The following RDH13 variants were observed in gnomAD, a reference collection of about 807,000 sequenced individuals.
The protein encoded by RDH13 is retinol dehydrogenase 13, also known as retinol dehydrogenase 13 (all-trans and 9-cis).
RDH13 carries 35 observed loss-of-function variants against 28.3 expected under a neutral mutation model. The observed-to-expected ratio is 1.24, with a 90% CI of 0.95 to 1.64. The LOEUF (loss-of-function observed/expected upper bound fraction) is 1.64. Ranked by LOEUF, RDH13 falls within the 40% of genes most tolerant of loss-of-function variation. The probability of loss-of-function intolerance (pLI) is 0.00; values close to 1 mark genes in which losing one functional copy is unlikely to be tolerated. For missense variants in RDH13, 514 were observed against 446.3 expected (o/e 1.15, Z -1.37); for synonymous variants, 229 against 198.5 (o/e 1.15, Z -1.29).
At chr19:55,047,981 C>T in intron 5 of RDH13, 1 of 1,202,456 alleles carries the variant, frequency 8.3e-7, no homozygotes, top group East Asian at 3.2e-5. Flanking sequence ...CCCAAGCCAG[C>T]TGTGATCACT....
downstream of RDH13, chr19:55,041,975 C>T (rs1399505705): frequency 1.3e-5 from 2 of 152,086 alleles, no homozygotes; most frequent in African/African-American, 4.8e-5. Context: ...CACTTCCACA[C>T]TGCACAACAG....
intron 3 of RDH13, among the ~76,000 whole-genome samples, chr19:55,049,068 A>G (rs1380986531): frequency 6.6e-6 from 1 of 152,186 alleles, no homozygotes; most frequent in Non-Finnish European, 1.5e-5. Context: ...TGGAAGTGGA[A>G]GAGGCTGGGA....
chr19:55,065,841 A>C (rs1374735290), upstream of RDH13, among the ~76,000 whole-genome samples: 7 of 152,056 alleles, frequency 4.6e-5, no homozygotes, highest in Non-Finnish European at 8.8e-5. Flanking sequence ...CCTCAGCCTC[A>C]TGAGTAGCTG....
upstream of RDH13, among the ~76,000 whole-genome samples, chr19:55,065,654 T>C (rs1264315652): frequency 6.6e-6 from 1 of 151,686 alleles, no homozygotes; most frequent in African/African-American, 2.4e-5. Flanking sequence ...CCACAGATGA[T>C]GTGAAAACAA....
At chr19:55,053,087 C>T (rs766056543) in intron 3 of RDH13, among the ~76,000 whole-genome samples, 9 of 152,094 alleles carry the variant, frequency 5.9e-5, no homozygotes, top group Admixed American at 3.9e-4. Context: ...TCTTTCTAGT[C>T]GGGAGCTGGG....
Position 55,048,719 on chromosome 19 carries a change from G to A in RDH13, c.385C>T (p.Arg129Trp), listed in dbSNP as rs773039012. 2.6e-5 allele frequency: 42 copies of A among 1,613,592 alleles called. No individual in the cohort carries two copies. The highest frequency in any genetic ancestry group is 8.3e-5 in the Admixed American group (5 of 59,914). The change falls in exon 4 of 7, where the codon CGG (arginine) becomes TGG (tryptophan). Residue 129 changes from arginine (R) to tryptophan (W), a missense_variant. Physicochemically the swap from Arg to Trp is moderately radical, Grantham distance 101. Coordinates refer to ENST00000415061, the MANE Select transcript of RDH13 (RefSeq NM_001145971.2). ...TCCTCGGTGGTCCAGTGGGGGCACC[G>A]CATCACACCCGCGTTGTTGATTAGA... ...DILINNAGVM[R>W]CPHWTTEDGF... is the part of the protein sequence containing the mutation.
At chr19:55,045,365 G>T in intron 6 of RDH13, 56 bp from the exon 7 acceptor site, 3 of 1,418,300 alleles carry the variant, frequency 2.1e-6, no homozygotes, top group Non-Finnish European at 2.9e-6. Flanking sequence ...AAGGAAGGAA[G>T]CCCCGCTCCC....
chr19:55,044,955 G>A lies in RDH13; in HGVS notation c.*119C>T. On this transcript the variant is annotated 3_prime_UTR_variant, in exon 7 of 7. Transcript: ENST00000415061. ...CACCGCCCCCTAGAACCTACTGCGG[G>A]CATGGCGGCCGCCAGTCCTGGGTCT... 1.4e-6 allele frequency: 1 copy of A among 727,958 alleles called. No individual in the cohort carries two copies. The highest frequency in any genetic ancestry group is 2.2e-6 in the Non-Finnish European group (1 of 446,436). 45.1% of individuals were successfully genotyped at this position (727,958 alleles called of 1,614,324 possible).
At chr19:55,058,950 T>C (rs1602786877) in intron 2 of RDH13, among the ~76,000 whole-genome samples, 1 of 152,322 alleles carries the variant, frequency 6.6e-6, no homozygotes, top group East Asian at 1.9e-4. Flanking sequence ...AAGTACTGAT[T>C]ACAGGCGTGC....
At chr19:55,061,778 G>GCC (rs781190499) in intron 1 of RDH13, among the ~76,000 whole-genome samples, 1 of 139,154 alleles carries the variant, frequency 7.2e-6, no homozygotes. Flanking sequence ...GGGTGACAGA[G>GCC]AGACCCTGTC....
intron 3 of RDH13, among the ~76,000 whole-genome samples, chr19:55,052,544 A>G (rs1472134508): frequency 1.0e-5 from 1 of 98,542 alleles, no homozygotes; most frequent in African/African-American, 5.7e-5. Flanking sequence ...CTCCGTCTTA[A>G]AAAAAAAAAA....
At chr19:55,045,995 C>G (rs2075217063) in intron 6 of RDH13, among the ~76,000 whole-genome samples, 1 of 147,828 alleles carries the variant, frequency 6.8e-6, no homozygotes, top group Non-Finnish European at 1.5e-5. Context: ...CGCCTGTAAT[C>G]CCAGCACTTT....
intron 3 of RDH13, among the ~76,000 whole-genome samples, chr19:55,049,236 C>T (rs1237446003): frequency 6.6e-6 from 1 of 152,182 alleles, no homozygotes; most frequent in Non-Finnish European, 1.5e-5. Context: ...CCCTCCGCAC[C>T]TCCATCTAAG....
At chr19:55,051,976 C>T (rs2147023930) in intron 3 of RDH13, among the ~76,000 whole-genome samples, 1 of 152,124 alleles carries the variant, frequency 6.6e-6, no homozygotes, top group South Asian at 2.1e-4. Flanking sequence ...AGGCAATTCG[C>T]CCACCTCGGC....
At chr19:55,050,394 C>A (rs1042013580) in intron 3 of RDH13, among the ~76,000 whole-genome samples, 2 of 152,102 alleles carry the variant, frequency 1.3e-5, no homozygotes, top group Admixed American at 1.3e-4. Context: ...GGACTGCAGG[C>A]GTGAGCCACC....
intron 3 of RDH13, among the ~76,000 whole-genome samples, chr19:55,051,278 G>A (rs180957708): frequency 6.6e-6 from 1 of 152,316 alleles, no homozygotes; most frequent in East Asian, 1.9e-4. Context: ...CCGGGAAAAT[G>A]AGGCAGGGCC....
intron 3 of RDH13, among the ~76,000 whole-genome samples, chr19:55,051,580 C>T (rs1602738170): frequency 1.3e-5 from 2 of 151,490 alleles, no homozygotes; most frequent in East Asian, 3.9e-4. Flanking sequence ...CAGGTGCCCG[C>T]CACCGCACCC....
chr19:55,068,151 C>T (rs1162945736), intron 1 of RDH13, among the ~76,000 whole-genome samples: 4 of 133,940 alleles, frequency 3.0e-5, no homozygotes, highest in African/African-American at 6.3e-5. Flanking sequence ...CTCCCTGTCT[C>T]TCTCTTCCTC....
Position 55,045,014 on chromosome 19 carries a change from T to G in RDH13, c.*60A>C. On this transcript the variant is annotated 3_prime_UTR_variant, in exon 7 of 7. Coordinates refer to ENST00000415061, the MANE Select transcript of RDH13 (RefSeq NM_001145971.2). ...AGGTAGTGCCAGGAAGCTGCGGGCA[T>G]GGCGGACAGCTGTCCTCGGTCTGGA... 7.8e-7 allele frequency: 1 copy of G among 1,284,060 alleles called. No homozygotes were observed. Among genetic ancestry groups the G allele is most frequent in the Non-Finnish European group, 1.1e-6 (1 of 919,514 alleles). The allele number at this position is 1,284,060 out of a possible 1,614,324, so 79.5% of individuals were successfully genotyped here.
Sources: allele counts gnomAD v4.1 joint callset (sites outside exome capture counted in the v4.1 genomes callset), GRCh38; gene constraint gnomAD v4.1.1; transcripts MANE v1.5; gene names NCBI Gene and HGNC (gene_info 2026-07-23, HGNC 2026-07-21).